CDS1: variants seen among roughly 807,000 people sequenced by gnomAD.
The protein encoded by CDS1 is CDP-diacylglycerol synthase 1, also known as phosphatidate cytidylyltransferase 1.
In CDS1, 41 loss-of-function variants were observed where a neutral mutation model predicts 62.1. The ratio of observed to expected loss-of-function variants is 0.66; its 90% CI spans 0.51 to 0.86. CDS1 has a LOEUF of 0.86. Among genes scored for constraint, CDS1 ranks in the 40% least tolerant of loss-of-function variants. The pLI is 0.00. For missense variants in CDS1, 470 were observed against 550.1 expected (o/e 0.85, Z 1.46); for synonymous variants, 185 against 192.6 (o/e 0.96, Z 0.32).
intron 1 of CDS1, among the ~76,000 whole-genome samples, chr4:84,591,240 C>G (rs188421904): frequency 7.5e-4 from 114 of 152,196 alleles, no homozygotes; most frequent in Admixed American, 2.2e-3. Context: ...CAGATAAATA[C>G]AGGGGTTTGG....
chr4:84,607,955 C>T (rs1723182099), intron 2 of CDS1, among the ~76,000 whole-genome samples: 1 of 152,186 alleles, frequency 6.6e-6, no homozygotes, highest in African/African-American at 2.4e-5. Flanking sequence ...TCATACAGAG[C>T]TGCCAACAGT....
intron 3 of CDS1, among the ~76,000 whole-genome samples, chr4:84,612,751 G>C (rs1033773723): frequency 8.5e-5 from 13 of 152,124 alleles, no homozygotes; most frequent in Non-Finnish European, 1.5e-4. Flanking sequence ...AGCACCTTGG[G>C]AGGCCGAGGC....
chr4:84,618,364 G>A (rs547829010), intron 4 of CDS1, among the ~76,000 whole-genome samples: 15 of 152,260 alleles, frequency 9.9e-5, no homozygotes, highest in African/African-American at 3.4e-4. Context: ...GAGTGGCAAA[G>A]TATACAGGAA....
At chr4:84,637,788 T>C (rs940568046) in intron 8 of CDS1, among the ~76,000 whole-genome samples, 1 of 152,232 alleles carries the variant, frequency 6.6e-6, no homozygotes, top group African/African-American at 2.4e-5. Flanking sequence ...TAAATCGATA[T>C]GATATGCATC....
At chr4:84,597,701 C>T (rs997550035) in intron 1 of CDS1, among the ~76,000 whole-genome samples, 3 of 152,168 alleles carry the variant, frequency 2.0e-5, no homozygotes, top group African/African-American at 7.2e-5. Flanking sequence ...CTTCCTCACT[C>T]TTCGTTCACC....
At chr4:84,640,727 C>CATTCT (rs1724353102) in intron 9 of CDS1, 111 bp from the exon 10 acceptor site, 1 of 626,022 alleles carries the variant, frequency 1.6e-6, no homozygotes, top group Non-Finnish European at 2.4e-6. Flanking sequence ...GAAATTCTGG[C>CATTCT]ATTCTATCTC....
intron 5 of CDS1, among the ~76,000 whole-genome samples, chr4:84,623,828 A>G (rs1233803996): frequency 6.6e-6 from 1 of 152,032 alleles, no homozygotes; most frequent in Non-Finnish European, 1.5e-5. Context: ...TGGGCTGGAC[A>G]TCAAAGATGG....
rs536454831 is a variant in CDS1 at position 84,608,335 on chromosome 4, G to A, written c.246-1094G>A. Reference sequence around the variant, plus strand: ...ACTACAGGCGCCCACCACTATGCCCGGCTAATTGTTTTGTATTTTTAGTAG... The same window carrying A: ...ACTACAGGCGCCCACCACTATGCCCAGCTAATTGTTTTGTATTTTTAGTAG... On this transcript the variant is annotated intron_variant, in intron 2 of 12. Transcript: ENST00000295887. Among the ~76,000 whole-genome samples the A allele has an allele frequency of 2.5e-4, 38 of 152,226 alleles. 1 individual carries two copies. In the South Asian group the frequency reaches 6.2e-3, roughly 25 times the overall value.
chr4:84,634,088 T>C, intron 7 of CDS1, 149 bp downstream of exon 7: 1 of 424,030 alleles, frequency 2.4e-6, no homozygotes, highest in Non-Finnish European at 4.1e-6. Flanking sequence ...TTTTGCTTAC[T>C]CTTTGACAAC....
chr4:84,637,688 T>C (rs1156697308), intron 8 of CDS1, among the ~76,000 whole-genome samples: 1 of 152,176 alleles, frequency 6.6e-6, no homozygotes, highest in Non-Finnish European at 1.5e-5. Flanking sequence ...TGGAAGAATA[T>C]TAGCAACTGA....
At chr4:84,609,404 T>C in intron 2 of CDS1, 25 bp from the exon 3 acceptor site, 1 of 1,425,740 alleles carries the variant, frequency 7.0e-7, no homozygotes, top group Admixed American at 1.7e-5. Context: ...ACACGTTAAA[T>C]ACTAACTTTA....
intron 2 of CDS1, among the ~76,000 whole-genome samples, chr4:84,608,700 T>A (rs547208113): frequency 2.6e-5 from 4 of 152,106 alleles, no homozygotes; most frequent in Non-Finnish European, 5.9e-5. Flanking sequence ...CTATATCATA[T>A]TCTTAAAATC....
chr4:84,625,499 A>G (rs1459631143), intron 5 of CDS1, among the ~76,000 whole-genome samples: 1 of 152,154 alleles, frequency 6.6e-6, no homozygotes, highest in Non-Finnish European at 1.5e-5. Flanking sequence ...TTTCATGAAA[A>G]GGAAAGAGCA....
intron 8 of CDS1, among the ~76,000 whole-genome samples, chr4:84,638,004 T>A (rs542582192): frequency 6.6e-6 from 1 of 152,302 alleles, no homozygotes; most frequent in East Asian, 1.9e-4. Flanking sequence ...GGACAAGAAG[T>A]CTATGAAGAG....
intron 1 of CDS1, among the ~76,000 whole-genome samples, chr4:84,590,267 G>T (rs1456392992): frequency 6.6e-6 from 1 of 152,234 alleles, no homozygotes; most frequent in Non-Finnish European, 1.5e-5. Flanking sequence ...CTTTCAAAGA[G>T]TTGATGTGTC....
chr4:84,635,239 C>CTTTT (rs11310518), intron 7 of CDS1, 25 bp from the exon 8 acceptor site: 5 of 1,035,160 alleles, frequency 4.8e-6, no homozygotes, highest in Non-Finnish European at 7.0e-6. Flanking sequence ...TTTCTGCTGA[C>CTTTT]TTTTTTTTTT....
intron 1 of CDS1, among the ~76,000 whole-genome samples, chr4:84,602,016 A>C (rs1313062349): frequency 1.3e-5 from 2 of 152,194 alleles, no homozygotes; most frequent in African/African-American, 4.8e-5. Context: ...CTATTTGATC[A>C]TTAAAAGTAT....
Position 84,650,505 on chromosome 4 carries a change from T to C in CDS1, c.*1819T>C, listed in dbSNP as rs941896409. On this transcript the variant is annotated 3_prime_UTR_variant, in exon 13 of 13. Transcript: ENST00000295887. ...GGCTACCAAAGTTTAAAGAATAAAATGAAAATTTTATAAGAACTTACATTA... is the reference window on the plus strand; with the variant it reads ...GGCTACCAAAGTTTAAAGAATAAAACGAAAATTTTATAAGAACTTACATTA... The C allele has an allele frequency of 6.6e-6, 1 of 152,146 alleles. No individual in the cohort carries two copies. The highest frequency in any genetic ancestry group is 1.5e-5 in the Non-Finnish European group (1 of 68,008). 9.4% of individuals were successfully genotyped at this position (152,146 alleles called of 1,614,324 possible). A position where few individuals can be genotyped will look rare whatever the true frequency, so the allele number is the denominator to read the frequency against.
chr4:84,583,286 C>A lies in CDS1; in HGVS notation c.-116C>A. ...GGGGCCGCGTTAGTGGCTGCGGCTC[C>A]GCGGGACTCCAGGGCGCGGCTGCGA... On this transcript the variant is annotated 5_prime_UTR_variant, in exon 1 of 13. Coordinates refer to ENST00000295887, the MANE Select transcript of CDS1 (RefSeq NM_001263.4). The A allele has an allele frequency of 1.4e-6, 1 of 693,560 alleles. No homozygotes were observed. Among genetic ancestry groups the A allele is most frequent in the Non-Finnish European group, 2.4e-6 (1 of 416,508 alleles). The allele number at this position is 693,560 out of a possible 1,614,324, so 43.0% of individuals were successfully genotyped here. A position where few individuals can be genotyped will look rare whatever the true frequency, so the allele number is the denominator to read the frequency against.
Sources: allele counts gnomAD v4.1 joint callset (sites outside exome capture counted in the v4.1 genomes callset), GRCh38; gene constraint gnomAD v4.1.1; transcripts MANE v1.5; gene names NCBI Gene and HGNC (gene_info 2026-07-23, HGNC 2026-07-21).